Variants in CCDC88A observed in about 807,000 individuals in gnomAD.
The protein encoded by CCDC88A is girdin.
A neutral mutation model predicts 234.3 loss-of-function variants in CCDC88A; 54 were observed. The ratio of observed to expected loss-of-function variants is 0.23; its 90% CI spans 0.19 to 0.29. CCDC88A has a LOEUF of 0.29. CCDC88A is among the 10% of genes least tolerant of loss of function. The pLI, the probability that CCDC88A is intolerant of heterozygous loss-of-function variation, is 1.00. For synonymous variants in CCDC88A, 753 were observed against 737.8 expected, an observed-to-expected ratio of 1.02 and a Z score of -0.33; for missense variants, 1,832 against 2,123.4, an observed-to-expected ratio of 0.86 and a Z score of 2.70.
intron 2 of CCDC88A, chr2:55,399,653 AT>A (rs779821572): frequency 2.0e-5 from 3 of 152,120 alleles, no homozygotes; most frequent in African/African-American, 4.8e-5. Flanking sequence ...CACGTAAAAC[AT>A]TTTTTAAGGA....
At position 55,388,835 on chromosome 2, in the gene CCDC88A, G is replaced by T; in HGVS notation, c.216C>A (p.Ala72=). ...TGGATAGATTGTGCATTCTAAGTGA[G>T]GCATCATTATTGACTTTTTTATTTA... The part of the protein sequence containing the change: ...QRVNKKVNND[A]SLRMHNLSIL... Residue 72 remains alanine, a synonymous_variant, in exon 3 of 33, where the codon GCC becomes GCA. Coordinates refer to ENST00000436346, the MANE Select transcript of CCDC88A (RefSeq NM_001365480.1). The T allele has an allele frequency of 6.5e-7, 1 of 1,541,900 alleles. No individual in the cohort carries two copies. Among genetic ancestry groups the T allele is most frequent in the South Asian group, 1.2e-5 (1 of 84,028 alleles).
chr2:55,343,185 T>C (rs181963050), intron 12 of CCDC88A, among the ~76,000 whole-genome samples: 19 of 152,224 alleles, frequency 1.2e-4, no homozygotes, highest in East Asian at 7.7e-4. Context: ...ATGGAGACTA[T>C]ACATATTACA....
intron 2 of CCDC88A, among the ~76,000 whole-genome samples, chr2:55,400,188 G>A (rs1415375787): frequency 6.6e-6 from 1 of 151,942 alleles, no homozygotes; most frequent in African/African-American, 2.4e-5. Flanking sequence ...TTTTTATCAG[G>A]CTCTTTTTGA....
intron 2 of CCDC88A, among the ~76,000 whole-genome samples, chr2:55,395,178 A>T (rs552669216): frequency 6.6e-6 from 1 of 152,118 alleles, no homozygotes; most frequent in African/African-American, 2.4e-5. Context: ...ATCTCTCACT[A>T]TGTTGCTCAG....
At position 55,296,476 on chromosome 2, in the gene CCDC88A, C is replaced by T; in HGVS notation, c.4873G>A (p.Glu1625Lys). Residue 1625 changes from glutamate (E) to lysine (K), a missense_variant, in exon 30 of 33, where the codon GAA becomes AAA. Glu to Lys is a moderately conservative substitution (Grantham distance 56, BLOSUM62 1). This residue lies in a region of CCDC88A where 422 missense variants were observed against 416.5 expected (regional missense o/e 1.01). Coordinates refer to ENST00000436346, the MANE Select transcript of CCDC88A (RefSeq NM_001365480.1). ...QSRPQSHSSG[E>K]FSLLHDHEAW... Reference sequence around the variant, plus strand: ...TCATGGTCATGAAGCAGGCTAAATTCTCCACTGCTGTGGCTTTGTGGCCTG... The same window carrying T: ...TCATGGTCATGAAGCAGGCTAAATTTTCCACTGCTGTGGCTTTGTGGCCTG... 1.2e-6 allele frequency: 2 copies of T among 1,614,202 alleles called. No individual in the cohort carries two copies. Among genetic ancestry groups the T allele is most frequent in the Non-Finnish European group, 1.7e-6 (2 of 1,180,030 alleles).
intron 26 of CCDC88A, chr2:55,302,544 C>A: frequency 6.1e-6 from 1 of 162,798 alleles, no homozygotes; most frequent in South Asian, 1.7e-4. Context: ...CAATAAAAAC[C>A]TGAAAGAGAT....
intron 2 of CCDC88A, among the ~76,000 whole-genome samples, chr2:55,411,798 A>AAAAAAAAC (rs1558849341): frequency 1.7e-5 from 2 of 120,554 alleles, no homozygotes; most frequent in Middle Eastern, 4.9e-3. Context: ...AAAAAAAAAA[A>AAAAAAAAC]AAAAACTCAA....
intron 8 of CCDC88A, 168 bp from the exon 9 acceptor site, chr2:55,349,767 T>C (rs1215441704): frequency 2.0e-6 from 1 of 507,200 alleles, no homozygotes; most frequent in African/African-American, 2.0e-5. Flanking sequence ...GGAATTTATA[T>C]AATTAGATGC....
rs201745762 is a variant in CCDC88A at position 55,295,589 on chromosome 2, G to T, written c.5551+8C>A. ...TATGAGAGGACCACTGGTGTAAATG[G>T]TACTCACTAGATGCTGCAGTGGTGT... is the stretch of plus-strand genomic sequence containing the variant. On this transcript the variant is annotated splice_region_variant and intron_variant, in intron 31 of 32. Coordinates refer to ENST00000436346, the MANE Select transcript of CCDC88A (RefSeq NM_001365480.1). 1 of 1,614,080 alleles carries T rather than the reference G, an allele frequency of 6.2e-7. No homozygotes were observed. The highest frequency in any genetic ancestry group is 1.3e-5 in the African/African-American group (1 of 75,012).
At chr2:55,320,456 C>G (rs1683481847) in intron 18 of CCDC88A, among the ~76,000 whole-genome samples, 2 of 152,050 alleles carry the variant, frequency 1.3e-5, no homozygotes, top group South Asian at 4.1e-4. Flanking sequence ...TATTATATGG[C>G]TAACCGTCTT....
chr2:55,366,268 G>A (rs1162798058), intron 5 of CCDC88A, among the ~76,000 whole-genome samples: 1 of 152,138 alleles, frequency 6.6e-6, no homozygotes, highest in Non-Finnish European at 1.5e-5. Flanking sequence ...GCTCAAGCCT[G>A]TAATCCCAAC....
chr2:55,332,685 C>T lies in CCDC88A; in HGVS notation c.2736G>A (p.Val912=). The change falls in exon 16 of 33, where the codon GTG becomes GTA. Residue 912 remains valine (V), a synonymous_variant. Coordinates refer to ENST00000436346, the MANE Select transcript of CCDC88A (RefSeq NM_001365480.1). This position sits in a 1 kb window ranked among gnomAD's most constrained non-coding sequence, Gnocchi z 4.5. ...KTLVTLREDL[V]SEKLKTQQMN... ...TCTGTTGGGTCTTCAACTTTTCACT[C>T]ACCAAATCCTTATTTTAAAAGAAAT... The T allele has an allele frequency of 6.2e-7, 1 of 1,612,640 alleles. No individual in the cohort carries two copies. The highest frequency in any genetic ancestry group is 8.5e-7 in the Non-Finnish European group (1 of 1,179,338).
chr2:55,313,407 T>C (rs529788006), intron 22 of CCDC88A: 1 of 152,338 alleles, frequency 6.6e-6, no homozygotes, highest in African/African-American at 2.4e-5. Flanking sequence ...AGTCTGTGTA[T>C]AGTTTTTGTA....
Position 55,334,201 on chromosome 2 carries a change from C to T in CCDC88A, c.2620G>A (p.Gly874Ser). The change falls in exon 15 of 33, where the codon GGT becomes AGT. Residue 874 changes from glycine to serine, a missense_variant. By Grantham distance (56) the Gly-to-Ser change is moderately conservative. Transcript: ENST00000436346. The surrounding 1 kb of genome is among the most constrained non-coding windows in gnomAD (Gnocchi z 6.1). ...CGGACACAAGATTCTTTATATATAC[C>T]AATTTCTTTGGATAGGGTTTTGTTT... ...KENKTLSKEIGIYKESCVRLK... is the reference protein window; with the variant it reads ...KENKTLSKEISIYKESCVRLK... 1 of 1,426,288 alleles carries T rather than the reference C, an allele frequency of 7.0e-7. No individual in the cohort carries two copies. Among genetic ancestry groups the T allele is most frequent in the Non-Finnish European group, 9.2e-7 (1 of 1,090,204 alleles). The allele number at this position is 1,426,288 out of a possible 1,614,324, so 88.4% of individuals were successfully genotyped here. A position where few individuals can be genotyped will look rare whatever the true frequency, so the allele number is the denominator to read the frequency against.
chr2:55,292,050 T>C (rs557240077), intron 31 of CCDC88A: 1 of 267,078 alleles, frequency 3.7e-6, no homozygotes, highest in South Asian at 7.7e-5. Context: ...TATGTTTATT[T>C]ACTAAATGGT....
At chr2:55,380,775 C>T (rs762288241) in intron 3 of CCDC88A, among the ~76,000 whole-genome samples, 13 of 151,968 alleles carry the variant, frequency 8.6e-5, no homozygotes, top group Admixed American at 3.9e-4. Context: ...GCCATCATGC[C>T]CAGCTAATTT....
intron 32 of CCDC88A, 61 bp downstream of exon 32, chr2:55,291,615 T>TA (rs1257040838): frequency 4.3e-6 from 3 of 693,832 alleles, no homozygotes; most frequent in South Asian, 2.0e-5. Flanking sequence ...GTTTCACACT[T>TA]AATTTGGTTA....
Position 55,295,976 on chromosome 2 carries a change from G to C in CCDC88A, c.5172C>G (p.Asp1724Glu), listed in dbSNP as rs772150566. 6.2e-7 allele frequency: 1 copy of C among 1,613,530 alleles called. No individual in the cohort carries two copies. Among genetic ancestry groups the C allele is most frequent in the East Asian group, 2.2e-5 (1 of 44,868 alleles). The change falls in exon 31 of 33, where the codon GAC (aspartate) becomes GAG (glutamate). Residue 1724 changes from aspartate to glutamate, a missense_variant. This residue lies in a region of CCDC88A where 422 missense variants were observed against 416.5 expected (regional missense o/e 1.01). Coordinates refer to ENST00000436346, the MANE Select transcript of CCDC88A (RefSeq NM_001365480.1). ...TGGCCAGACCACAGCTAACTGGTTT[G>C]TCTTTTCCCAAAAAGTCAGAAGAGA... ...LSVSSDFLGK[D>E]KPVSCGLARS...
intron 2 of CCDC88A, among the ~76,000 whole-genome samples, chr2:55,398,391 A>T (rs1202047186): frequency 6.6e-6 from 1 of 152,216 alleles, no homozygotes; most frequent in African/African-American, 2.4e-5. Flanking sequence ...TATTACTATA[A>T]ACTATCTGTA....
Sources: allele counts gnomAD v4.1 joint callset (sites outside exome capture counted in the v4.1 genomes callset), GRCh38; gene constraint gnomAD v4.1.1; regional missense constraint gnomAD v4.1.1; non-coding constraint Gnocchi (gnomAD v3.1); transcripts MANE v1.5; gene names NCBI Gene and HGNC (gene_info 2026-07-23, HGNC 2026-07-21).